The following FLT4 variants were observed in gnomAD, a reference collection of about 807,000 sequenced individuals.
FLT4 encodes the protein fms related receptor tyrosine kinase 4, also known as vascular endothelial growth factor receptor 3.
In FLT4, 30 loss-of-function variants were observed where a neutral mutation model predicts 163.2. The ratio of observed to expected loss-of-function variants is 0.18; its 90% CI spans 0.14 to 0.25. The LOEUF (loss-of-function observed/expected upper bound fraction) is 0.25. Ranked by LOEUF, FLT4 falls within the 10% of genes least tolerant of loss-of-function variation. FLT4 has a pLI of 1.00. For missense variants in FLT4, 1,510 were observed against 1,863.8 expected (o/e 0.81, Z 3.50); for synonymous variants, 884 against 789.5 (o/e 1.12, Z -2.01).
Position 180,611,495 on chromosome 5 carries a change from G to A in FLT4, c.3538-16C>T, listed in dbSNP as rs750692929. The A allele has an allele frequency of 2.5e-6, 4 of 1,612,384 alleles. No individual in the cohort carries two copies. The highest frequency in any genetic ancestry group is 1.3e-5 in the African/African-American group (1 of 74,764). Reference sequence around the variant, plus strand: ...CCTCTTCCTCCTGGCGGGAACAGGAGAGGCAGCCAGGCCAGAAACCACCAG... The same window carrying A: ...CCTCTTCCTCCTGGCGGGAACAGGAAAGGCAGCCAGGCCAGAAACCACCAG... On this transcript the variant is annotated splice_polypyrimidine_tract_variant and intron_variant, in intron 26 of 29. Coordinates refer to ENST00000261937, the MANE Select transcript of FLT4 (RefSeq NM_182925.5).
rs1374756523 is a variant in FLT4 at position 180,621,841 on chromosome 5, A to C, written c.1721T>G (p.Val574Gly). ...GCTGTCGGCTTGGCAGCTCAGGAGC[A>C]CCGGCTGGCCCTCTAGTAGCTCCTC... Reference protein sequence around the residue: ...PSEELLEGQPVLLSCQADSYK... With the variant: ...PSEELLEGQPGLLSCQADSYK... Residue 574 changes from valine to glycine, a missense_variant, in exon 13 of 30, where the codon GTG (valine) becomes GGG (glycine). Physicochemically the swap from Val to Gly is moderately radical, Grantham distance 109. Transcript: ENST00000261937. 6.2e-7 allele frequency: 1 copy of C among 1,613,326 alleles called. No individual in the cohort carries two copies.
At chr5:180,632,641 C>T (rs908608043) in intron 1 of FLT4, among the ~76,000 whole-genome samples, 6 of 150,620 alleles carry the variant, frequency 4.0e-5, no homozygotes, top group Non-Finnish European at 8.9e-5. Context: ...TGTGTGCACA[C>T]GCGTGCCTCC....
At chr5:180,642,134 G>A (rs1429228843) in intron 1 of FLT4, among the ~76,000 whole-genome samples, 1 of 151,580 alleles carries the variant, frequency 6.6e-6, no homozygotes, top group Non-Finnish European at 1.5e-5. Flanking sequence ...GTGAACCTGA[G>A]AGGCAGAGCT....
Position 180,621,807 on chromosome 5 carries a change from G to T in FLT4, c.1755C>A (p.Tyr585Ter). The T allele has an allele frequency of 6.2e-7, 1 of 1,613,414 alleles. No individual in the cohort carries two copies. The highest frequency in any genetic ancestry group is 8.5e-7 in the Non-Finnish European group (1 of 1,179,968). Reference sequence around the variant, plus strand: ...TGAGGCGGTACCAGCGCAGATGCTCGTACTTGTAGCTGTCGGCTTGGCAGC... The same window carrying T: ...TGAGGCGGTACCAGCGCAGATGCTCTTACTTGTAGCTGTCGGCTTGGCAGC... The part of the protein sequence containing the change: ...LLSCQADSYK[Y>*]EHLRWYRLNL... The change falls in exon 13 of 30, where the codon TAC becomes TAA. Residue 585 changes from tyrosine to a stop codon, truncating the protein, a stop_gained. Coordinates refer to ENST00000261937, the MANE Select transcript of FLT4 (RefSeq NM_182925.5). LOFTEE classifies it high-confidence loss of function.
At chr5:180,627,894 G>C (rs1275437026) in intron 8 of FLT4, among the ~76,000 whole-genome samples, 1 of 152,190 alleles carries the variant, frequency 6.6e-6, no homozygotes, top group African/African-American at 2.4e-5. Context: ...CAGGTGCCTT[G>C]GATGGACACC....
chr5:180,619,594 G>A (rs771180481), intron 18 of FLT4, 71 bp downstream of exon 18: 2 of 1,259,006 alleles, frequency 1.6e-6, no homozygotes, highest in African/African-American at 1.5e-5. Flanking sequence ...CCGAGTTGCC[G>A]TCCCACCGGC....
chr5:180,628,412 C>T (rs534216794), intron 8 of FLT4, among the ~76,000 whole-genome samples: 6 of 152,226 alleles, frequency 3.9e-5, no homozygotes, highest in Non-Finnish European at 7.3e-5. Flanking sequence ...GAAGCTCTCT[C>T]GCTCGCTGCC....
chr5:180,627,917 C>G (rs1169715079), intron 8 of FLT4, among the ~76,000 whole-genome samples: 1 of 152,154 alleles, frequency 6.6e-6, no homozygotes, highest in Non-Finnish European at 1.5e-5. Flanking sequence ...AGTCTGTGTC[C>G]TCAGTGGGAG....
At chr5:180,614,325 G>A in intron 23 of FLT4, 146 bp from the exon 24 acceptor site, 2 of 223,926 alleles carry the variant, frequency 8.9e-6, no homozygotes, top group Non-Finnish European at 1.8e-5. Flanking sequence ...GATGGGAAGA[G>A]AGGGCTGAGG....
rs569455537 is a variant in FLT4, at chr5:180,628,278, C to G, written c.1103+604G>C. Among the ~76,000 whole-genome samples the G allele has an allele frequency of 4.4e-4, 67 of 152,320 alleles. 1 individual carries two copies. The highest frequency in any genetic ancestry group is 6.8e-3 in the Middle Eastern group (2 of 294). ...GTGTTTGTGAGGGGTGCCATGCCCC[C>G]CCAGAGCCTGCAGGGAGTAGCCAGC... is the stretch of plus-strand genomic sequence containing the variant. On this transcript the variant is annotated intron_variant, in intron 8 of 29. Coordinates refer to ENST00000261937, the MANE Select transcript of FLT4 (RefSeq NM_182925.5).
intron 1 of FLT4, among the ~76,000 whole-genome samples, chr5:180,643,340 C>T (rs1765265405): frequency 6.6e-6 from 1 of 152,230 alleles, no homozygotes; most frequent in South Asian, 2.1e-4. Context: ...CTGAGAGTGC[C>T]AGGCCCCTGC....
chr5:180,637,954 T>C (rs1207801014), intron 1 of FLT4, among the ~76,000 whole-genome samples: 1 of 152,142 alleles, frequency 6.6e-6, no homozygotes, highest in Non-Finnish European at 1.5e-5. Flanking sequence ...TAGTCTCCCC[T>C]CATCCACCAA....
At position 180,630,736 on chromosome 5, in the gene FLT4, C is replaced by T. The variant is rs2127839195; in HGVS notation, c.219G>A (p.Lys73=). The change falls in exon 3 of 30, where the codon AAG becomes AAA. Residue 73 remains lysine, a synonymous_variant. Coordinates refer to ENST00000261937, the MANE Select transcript of FLT4 (RefSeq NM_182925.5). The surrounding 1 kb of genome is among the most constrained non-coding windows in gnomAD (Gnocchi z 6.3). ...GCACCACCCCCGTGTCCTCGCTGTC[C>T]TTGTCTCCGGTGGCTGGCGCCTCCT... is the stretch of plus-strand genomic sequence containing the variant. The part of the protein sequence containing the change: ...GAQEAPATGD[K]DSEDTGVVRD... The T allele has an allele frequency of 1.2e-6, 2 of 1,611,150 alleles. No homozygotes were observed. Among genetic ancestry groups the T allele is most frequent in the South Asian group, 2.2e-5 (2 of 91,062 alleles).
Position 180,603,302 on chromosome 5 carries a change from C to T in FLT4, c.3982G>A (p.Gly1328Arg). Residue 1328 changes from glycine (G) to arginine (R), a missense_variant, in exon 30 of 30, where the codon GGA (glycine) becomes AGA (arginine). Around this residue, in one of 5 missense-constraint regions of FLT4, gnomAD observed 295 missense variants for 311.0 expected, o/e 0.95. Transcript: ENST00000261937. The stretch of plus-strand genomic sequence containing the variant: ...TCGCTGTTGTAAAACACCTGGCCTC[C>T]TCGGGCCCCCCGCTCAGGCCGCCGC... ...RRRRPERGAR[G>R]GQVFYNSEYG... is the part of the protein sequence containing the mutation. 6.2e-7 allele frequency: 1 copy of T among 1,613,960 alleles called. No individual in the cohort carries two copies. The highest frequency in any genetic ancestry group is 8.5e-7 in the Non-Finnish European group (1 of 1,179,952).
intron 1 of FLT4, among the ~76,000 whole-genome samples, chr5:180,642,528 C>A (rs1360857836): frequency 6.6e-6 from 1 of 151,960 alleles, no homozygotes; most frequent in Non-Finnish European, 1.5e-5. Flanking sequence ...CCCAGCCGGC[C>A]TCGGGCCCTG....
At chr5:180,604,218 C>G (rs1214359781) in intron 29 of FLT4, among the ~76,000 whole-genome samples, 2 of 152,216 alleles carry the variant, frequency 1.3e-5, no homozygotes, top group Non-Finnish European at 2.9e-5. Context: ...TGTCCAACTT[C>G]ATCCCCCAAC....
rs1377946378 is a variant in FLT4, at chr5:180,639,391, A to ATGGATGGG, written c.59-7614_59-7613insCCCATCCA. Among the ~76,000 whole-genome samples, 200 of 147,172 alleles carry ATGGATGGG rather than the reference A, an allele frequency of 1.4e-3. 1 individual carries two copies. The highest frequency in any genetic ancestry group is 2.3e-3 in the Non-Finnish European group (152 of 65,152). On this transcript the variant is annotated intron_variant, in intron 1 of 29. Coordinates refer to ENST00000261937, the MANE Select transcript of FLT4 (RefSeq NM_182925.5). ...GATGAGTGGATGGGTGGATGGATGG[A>ATGGATGGG]TGGATGGACGGATGGATGAGTGGAT...
chr5:180,610,060 G>A lies in FLT4; in HGVS notation c.3687-35C>T, dbSNP rs944297073. ...GAAATCAGAAGGTGCTGAGGAACGC[G>A]CTGCAGCAACCCTCCTCGAACTTCT... On this transcript the variant is annotated intron_variant, in intron 27 of 29. Coordinates refer to ENST00000261937, the MANE Select transcript of FLT4 (RefSeq NM_182925.5). 10 of 1,613,246 alleles carry A rather than the reference G, an allele frequency of 6.2e-6. No homozygotes were observed. The African/African-American group carries it at 8.0e-5, about 13-fold the overall frequency.
chr5:180,616,288 C>A (rs1165572853), intron 23 of FLT4, 79 bp downstream of exon 23: 1 of 1,594,932 alleles, frequency 6.3e-7, no homozygotes, highest in East Asian at 2.2e-5. Flanking sequence ...AGCCCTCCCT[C>A]TCCTGGACAG....
Sources: allele counts gnomAD v4.1 joint callset (sites outside exome capture counted in the v4.1 genomes callset), GRCh38; gene constraint gnomAD v4.1.1; regional missense constraint gnomAD v4.1.1; non-coding constraint Gnocchi (gnomAD v3.1); transcripts MANE v1.5; gene names NCBI Gene and HGNC (gene_info 2026-07-23, HGNC 2026-07-21).